The following LCK variants were observed in gnomAD, a reference collection of about 807,000 sequenced individuals.
The protein encoded by LCK is LCK proto-oncogene, Src family tyrosine kinase, also known as tyrosine-protein kinase Lck.
Under a neutral mutation model 64.6 loss-of-function variants are expected in LCK, and 14 were observed. That is an observed-to-expected ratio of 0.22 (90% confidence interval 0.14 to 0.34). The LOEUF is 0.34. Ranked by LOEUF, LCK falls within the 10% of genes least tolerant of loss-of-function variation. The probability of loss-of-function intolerance (pLI) is 1.00; values close to 1 mark genes in which losing one functional copy is unlikely to be tolerated. For synonymous variants in LCK, 277 were observed against 263.6 expected, an observed-to-expected ratio of 1.05 and a Z score of -0.49; for missense variants, 434 against 668.1, an observed-to-expected ratio of 0.65 and a Z score of 3.86.
chr1:32,285,039 C>T (rs1368361953), intron 12 of LCK, among the ~76,000 whole-genome samples: 1 of 150,734 alleles, frequency 6.6e-6, no homozygotes, highest in African/African-American at 2.4e-5. Flanking sequence ...CACGGTGGCT[C>T]ACGCCTGTAA....
chr1:32,283,183 G>A (rs1467108610), intron 12 of LCK, among the ~76,000 whole-genome samples: 1 of 151,468 alleles, frequency 6.6e-6, no homozygotes, highest in African/African-American at 2.4e-5. Flanking sequence ...CAGCTACTCG[G>A]GAAGCTGAGA....
Position 32,285,573 on chromosome 1 carries a change from G to A in LCK, c.1387G>A (p.Asp463Asn). ...GCGAGGCTACCGCATGGTGCGCCCT[G>A]ACAACTGTCCAGAGGAGCTGTACCA... ...LERGYRMVRP[D>N]NCPEELYQLM... Residue 463 changes from aspartate to asparagine, a missense_variant, in exon 13 of 13, where the codon GAC becomes AAC. Transcript: ENST00000336890. 1 of 1,614,258 alleles carries A rather than the reference G, an allele frequency of 6.2e-7. No homozygotes were observed. The highest frequency in any genetic ancestry group is 8.5e-7 in the Non-Finnish European group (1 of 1,180,054).
At position 32,259,627 on chromosome 1, in the gene LCK, A is replaced by T. The variant is rs561731142; in HGVS notation, c.-6+8256A>T. Among the ~76,000 whole-genome samples the T allele has an allele frequency of 3.5e-3, 443 of 128,172 alleles. 2 individuals carry two copies. Among genetic ancestry groups the T allele is most frequent in the African/African-American group, 0.013 (420 of 32,574 alleles). The allele number at this position is 128,172 out of a possible 152,430, so 84.1% of individuals were successfully genotyped here. A position where few individuals can be genotyped will look rare whatever the true frequency, so the allele number is the denominator to read the frequency against. ...AGAGTGAGACTTCATCTAAAAAAAT[A>T]AAAATAATAATAATAATAATAATGA... is the stretch of plus-strand genomic sequence containing the variant. On this transcript the variant is annotated intron_variant, in intron 1 of 12. Coordinates refer to ENST00000336890, the MANE Select transcript of LCK (RefSeq NM_005356.5).
Position 32,275,187 on chromosome 1 carries a change from T to A in LCK, c.278+104T>A, listed in dbSNP as rs959930352. 15 of 1,466,402 alleles carry A rather than the reference T, an allele frequency of 1.0e-5. No homozygotes were observed. In the East Asian group the frequency reaches 1.8e-4, roughly 18 times the overall value. 90.8% of individuals were successfully genotyped at this position (1,466,402 alleles called of 1,614,324 possible). On this transcript the variant is annotated intron_variant, in intron 4 of 12. Coordinates refer to ENST00000336890, the MANE Select transcript of LCK (RefSeq NM_005356.5). This position sits in a 1 kb window ranked among gnomAD's most constrained non-coding sequence, Gnocchi z 6.9. ...CTTGACCAGCTCGGGGTGGCCGCCC[T>A]TGGGACAAAATTCGAGGCTCAGTAT...
At chr1:32,260,940 T>A (rs1639752367) in intron 1 of LCK, among the ~76,000 whole-genome samples, 1 of 152,212 alleles carries the variant, frequency 6.6e-6, no homozygotes, top group South Asian at 2.1e-4. Flanking sequence ...GTTCTTGATG[T>A]AAAGCATTGG....
intron 9 of LCK, among the ~76,000 whole-genome samples, chr1:32,278,195 A>G (rs1474184866): frequency 6.6e-6 from 1 of 152,156 alleles, no homozygotes. Context: ...AAAAACCCAC[A>G]AAACTATGGC....
chr1:32,259,299 A>AAAAG (rs1553151852), intron 1 of LCK, among the ~76,000 whole-genome samples: 2 of 150,270 alleles, frequency 1.3e-5, no homozygotes, highest in East Asian at 3.9e-4. Flanking sequence ...TAAAAAAAAA[A>AAAAG]AAAGAAAAAG....
chr1:32,280,344 A>G (rs1392011532), intron 12 of LCK, 134 bp downstream of exon 12: 15 of 1,125,572 alleles, frequency 1.3e-5, no homozygotes, highest in Non-Finnish European at 1.7e-5. Context: ...TATGAGTCCA[A>G]CGTCCCCAGG....
chr1:32,256,340 A>C (rs1264192784), intron 1 of LCK, among the ~76,000 whole-genome samples: 1 of 151,600 alleles, frequency 6.6e-6, no homozygotes, highest in African/African-American at 2.4e-5. Context: ...GTTTCTACTA[A>C]ACTCCCAACA....
intron 12 of LCK, among the ~76,000 whole-genome samples, chr1:32,282,115 A>AG (rs1640479866): frequency 6.6e-6 from 1 of 152,136 alleles, no homozygotes; most frequent in African/African-American, 2.4e-5. Flanking sequence ...TGAAAAGCTG[A>AG]GGGGCTTCCC....
chr1:32,282,117 G>A (rs895129896), intron 12 of LCK, among the ~76,000 whole-genome samples: 1 of 152,126 alleles, frequency 6.6e-6, no homozygotes, highest in Admixed American at 6.6e-5. Context: ...AAAAGCTGAG[G>A]GGCTTCCCTG....
At chr1:32,278,620 T>C (rs1240906668) in intron 9 of LCK, among the ~76,000 whole-genome samples, 1 of 152,230 alleles carries the variant, frequency 6.6e-6, no homozygotes, top group African/African-American at 2.4e-5. Context: ...ATTACAGATG[T>C]GAGCCACCAT....
Position 32,274,329 on chromosome 1 carries a change from C to T in LCK, c.-1C>T. 1 of 1,614,086 alleles carries T rather than the reference C, an allele frequency of 6.2e-7. No individual in the cohort carries two copies. The highest frequency in any genetic ancestry group is 8.5e-7 in the Non-Finnish European group (1 of 1,179,972). Reference sequence around the variant, plus strand: ...CCCCCTCTTCCATTCCCTCAGGGACCATGGGCTGTGGCTGCAGCTCACACC... The same window carrying T: ...CCCCCTCTTCCATTCCCTCAGGGACTATGGGCTGTGGCTGCAGCTCACACC... On this transcript the variant is annotated 5_prime_UTR_variant, in exon 2 of 13. Transcript: ENST00000336890.
chr1:32,273,363 A>AGT (rs1050879409), intron 1 of LCK, among the ~76,000 whole-genome samples: 6 of 132,894 alleles, frequency 4.5e-5, no homozygotes, highest in Admixed American at 7.5e-5. Flanking sequence ...TGTGTGTGAG[A>AGT]GTGTGTGTGT....
At chr1:32,264,956 C>T (rs1639872178) in intron 1 of LCK, among the ~76,000 whole-genome samples, 1 of 152,066 alleles carries the variant, frequency 6.6e-6, no homozygotes, top group Admixed American at 6.6e-5. Flanking sequence ...CTTGTAATCT[C>T]AGCACTTTGG....
intron 12 of LCK, among the ~76,000 whole-genome samples, chr1:32,284,137 C>G (rs1640542884): frequency 6.6e-6 from 1 of 151,602 alleles, no homozygotes; most frequent in Non-Finnish European, 1.5e-5. Flanking sequence ...CCCGGCTTGG[C>G]CTCCCAAAGT....
rs1640222722 is a variant in LCK at position 32,275,252 on chromosome 1, A to T, written c.279-69A>T. ...TGGGGGAGGCTGGCTTAAGGGGTGG[A>T]GGGGTCTTTGAGGGAGGGTCTCAGG... On this transcript the variant is annotated intron_variant, in intron 4 of 12. Transcript: ENST00000336890. This position sits in a 1 kb window ranked among gnomAD's most constrained non-coding sequence, Gnocchi z 6.9. 1 of 1,537,168 alleles carries T rather than the reference A, an allele frequency of 6.5e-7. No homozygotes were observed. Among genetic ancestry groups the T allele is most frequent in the African/African-American group, 1.4e-5 (1 of 73,296 alleles).
At chr1:32,281,936 G>A (rs1640473623) in intron 12 of LCK, among the ~76,000 whole-genome samples, 1 of 152,136 alleles carries the variant, frequency 6.6e-6, no homozygotes, top group Non-Finnish European at 1.5e-5. Flanking sequence ...TGGGCATGGT[G>A]GCACGCGCCT....
At chr1:32,285,190 A>G (rs1002169369) in intron 12 of LCK, among the ~76,000 whole-genome samples, 1 of 150,990 alleles carries the variant, frequency 6.6e-6, no homozygotes, top group Admixed American at 6.6e-5. Context: ...AATCCCAGCT[A>G]CTCGAGAAGC....
Sources: gnomAD v4.1 joint callset for allele counts (sites outside exome capture counted in the v4.1 genomes callset) on GRCh38, gnomAD v4.1.1 for gene constraint, Gnocchi (gnomAD v3.1) non-coding constraint, MANE v1.5 for transcripts, NCBI Gene and HGNC (gene_info 2026-07-23, HGNC 2026-07-21) for gene names.